LYG2: variants seen among roughly 807,000 people sequenced by gnomAD.
LYG2 encodes lysozyme g2.
A neutral mutation model predicts 22.4 loss-of-function variants in LYG2; 25 were observed. That is an observed-to-expected ratio of 1.12 (90% CI 0.81 to 1.56). The LOEUF is 1.56. Among genes scored for constraint, LYG2 ranks in the 40% most tolerant of loss-of-function variants. The pLI is 0.00. For synonymous variants in LYG2, 88 were observed against 97.0 expected (o/e 0.91, Z 0.55); for missense variants, 266 against 269.5 (o/e 0.99, Z 0.09).
chr2:99,251,429 C>A (rs573827220), intron 3 of LYG2, among the ~76,000 whole-genome samples: 7 of 152,218 alleles, frequency 4.6e-5, no homozygotes, highest in Non-Finnish European at 8.8e-5. Context: ...GTTGGTAATA[C>A]TGTCATACTT....
Position 99,245,412 on chromosome 2 carries a change from T to G in LYG2, c.231A>C (p.Ile77=). 1 of 1,611,848 alleles carries G rather than the reference T, an allele frequency of 6.2e-7. No individual in the cohort carries two copies. Among genetic ancestry groups the G allele is most frequent in the Non-Finnish European group, 8.5e-7 (1 of 1,178,908 alleles). ...CTTTGATCAGAGTCTGGTAAGGTTT[T>G]ATGGCCCTCAAATCCATCTCAGCAA... is the stretch of plus-strand genomic sequence containing the variant. The part of the protein sequence containing the change: ...EMFAEMDLRA[I]KPYQTLIKEV... The change falls in exon 5 of 7, where the codon ATA becomes ATC. Residue 77 remains isoleucine (I), a synonymous_variant. Coordinates refer to ENST00000333017, the MANE Select transcript of LYG2 (RefSeq NM_175735.4).
chr2:99,255,287 A>T (rs964416489), intron 1 of LYG2, 150 bp from the exon 2 acceptor site: 1 of 152,188 alleles, frequency 6.6e-6, no homozygotes, highest in East Asian at 1.9e-4. Context: ...TCCTGTACCA[A>T]TGATCATTAG....
chr2:99,259,693 G>T (rs1251454117), upstream of LYG2, among the ~76,000 whole-genome samples: 1 of 152,072 alleles, frequency 6.6e-6, no homozygotes, highest in African/African-American at 2.4e-5. Flanking sequence ...TATAGTACAT[G>T]TCAAATCCAG....
At chr2:99,242,517 T>A in intron 6 of LYG2, 35 bp from the exon 7 acceptor site, 1 of 1,416,616 alleles carries the variant, frequency 7.1e-7, no homozygotes, top group Non-Finnish European at 9.9e-7. Context: ...GCTCAAATAT[T>A]AACTTTCAAC....
intron 3 of LYG2, among the ~76,000 whole-genome samples, chr2:99,248,273 A>G (rs1413695093): frequency 2.0e-5 from 3 of 152,226 alleles, no homozygotes. Flanking sequence ...CTATAAAGAC[A>G]CATGCACACG....
At chr2:99,260,553 G>T (rs1392401497), upstream of LYG2, among the ~76,000 whole-genome samples, 2 of 152,158 alleles carry the variant, frequency 1.3e-5, no homozygotes, top group African/African-American at 4.8e-5. Flanking sequence ...CTCTATAGTT[G>T]TTCACTATAC....
chr2:99,256,512 G>A (rs1296686359), upstream of LYG2, among the ~76,000 whole-genome samples: 1 of 152,190 alleles, frequency 6.6e-6, no homozygotes, highest in Non-Finnish European at 1.5e-5. Context: ...ACTGCAGGGT[G>A]AGTAGAGCCA....
chr2:99,244,926 C>A (rs996336531), intron 5 of LYG2, among the ~76,000 whole-genome samples: 1 of 151,888 alleles, frequency 6.6e-6, no homozygotes, highest in African/African-American at 2.4e-5. Context: ...GCCTGGCCAA[C>A]AAGGTGAAAT....
chr2:99,244,014 C>T lies in LYG2; in HGVS notation c.505G>A (p.Ala169Thr), dbSNP rs1299338933. 6.2e-6 allele frequency: 10 copies of T among 1,614,048 alleles called. No homozygotes were observed. The highest frequency in any genetic ancestry group is 8.5e-6 in the Non-Finnish European group (10 of 1,180,010). Residue 169 changes from alanine to threonine, a missense_variant, in exon 6 of 7, where the codon GCT becomes ACT. Transcript: ENST00000333017. The part of the protein sequence containing the change: ...IQKKFPTWSV[A>T]QHLKGGLSAF... ...TACAGCCTACCTTTGAGGTGCTGAGCAACACTCCACGTGGGGAATTTTTTC... is the reference window on the plus strand; with the variant it reads ...TACAGCCTACCTTTGAGGTGCTGAGTAACACTCCACGTGGGGAATTTTTTC...
At chr2:99,250,792 C>T (rs774282467) in intron 3 of LYG2, among the ~76,000 whole-genome samples, 1 of 152,206 alleles carries the variant, frequency 6.6e-6, no homozygotes, top group Non-Finnish European at 1.5e-5. Context: ...TTGTGATAGG[C>T]TGTTCATTCC....
At chr2:99,261,471 T>G in the LYG2 span, among the ~76,000 whole-genome samples, 2 of 152,212 alleles carry the variant, frequency 1.3e-5, no homozygotes, top group African/African-American at 4.8e-5. Context: ...GCCTGCTTCC[T>G]GCAGTCTTGA....
At chr2:99,246,190 T>G (rs1375120880) in intron 4 of LYG2, among the ~76,000 whole-genome samples, 1 of 152,228 alleles carries the variant, frequency 6.6e-6, no homozygotes, top group African/African-American at 2.4e-5. Flanking sequence ...TTAGCCTGGC[T>G]CCGCCACTAG....
chr2:99,244,065 G>C lies in LYG2; in HGVS notation c.454C>G (p.Leu152Val). Residue 152 changes from leucine to valine, a missense_variant, in exon 6 of 7, where the codon CTA becomes GTA. Leu to Val is a conservative substitution (Grantham distance 32). Transcript: ENST00000333017. The part of the protein sequence containing the change: ...KEHLSQATGI[L>V]TERIKAIQKK... ...TGGATTGCCTTAATTCTCTCTGTTAGAATCCCAGTAGCCTGTGAAAGGTGC... is the reference window on the plus strand; with the variant it reads ...TGGATTGCCTTAATTCTCTCTGTTACAATCCCAGTAGCCTGTGAAAGGTGC... The C allele has an allele frequency of 6.2e-7, 1 of 1,614,076 alleles. No homozygotes were observed. The highest frequency in any genetic ancestry group is 1.3e-5 in the African/African-American group (1 of 75,048).
At chr2:99,259,852 G>C (rs2094044018), upstream of LYG2, among the ~76,000 whole-genome samples, 1 of 151,928 alleles carries the variant, frequency 6.6e-6, no homozygotes, top group Non-Finnish European at 1.5e-5. Context: ...CCCACAGGTA[G>C]ATGCAAGTAA....
Position 99,242,253 on chromosome 2 carries a change from TC to T in LYG2, c.*110del. On this transcript the variant is annotated 3_prime_UTR_variant, in exon 7 of 7. Coordinates refer to ENST00000333017, the MANE Select transcript of LYG2 (RefSeq NM_175735.4). ...AGAAAATTGGGAAATGAATTTTCTT[TC>T]ATGATTTTAATCATTTCTTTGCCAG... The T allele has an allele frequency of 1.9e-6, 1 of 534,572 alleles. No homozygotes were observed. Among genetic ancestry groups the T allele is most frequent in the Non-Finnish European group, 3.3e-6 (1 of 302,776 alleles). 33.1% of individuals were successfully genotyped at this position (534,572 alleles called of 1,614,324 possible).
intron 3 of LYG2, among the ~76,000 whole-genome samples, chr2:99,250,666 G>A (rs538079903): frequency 1.9e-4 from 29 of 152,160 alleles, no homozygotes; most frequent in Non-Finnish European, 2.6e-4. Flanking sequence ...GAGCCACCAC[G>A]CCTGGCTGCA....
intron 5 of LYG2, among the ~76,000 whole-genome samples, chr2:99,244,913 C>A (rs900762236): frequency 2.0e-5 from 3 of 151,892 alleles, no homozygotes; most frequent in African/African-American, 7.3e-5. Flanking sequence ...GAGTTCAAGA[C>A]CAGCCTGGCC....
At chr2:99,249,207 G>A (rs1203111316) in intron 3 of LYG2, among the ~76,000 whole-genome samples, 2 of 152,118 alleles carry the variant, frequency 1.3e-5, no homozygotes, top group African/African-American at 2.4e-5. Flanking sequence ...GATTGCTTGA[G>A]CGTAGGAGTT....
upstream of LYG2, among the ~76,000 whole-genome samples, chr2:99,258,622 G>C (rs2094041105): frequency 6.6e-6 from 1 of 152,212 alleles, no homozygotes; most frequent in African/African-American, 2.4e-5. Context: ...CTGTTTCACA[G>C]CTCTGAAACC....
Sources: gnomAD v4.1 joint callset for allele counts (sites outside exome capture counted in the v4.1 genomes callset) on GRCh38, gnomAD v4.1.1 for gene constraint, MANE v1.5 for transcripts, NCBI Gene and HGNC (gene_info 2026-07-23, HGNC 2026-07-21) for gene names.